Variants in CSMD1 observed in about 807,000 individuals in gnomAD.
CSMD1 encodes the protein CUB and sushi domain-containing protein 1.
Under a neutral mutation model 417.5 loss-of-function variants are expected in CSMD1, and 213 were observed. The observed-to-expected ratio is 0.51, with a 90% confidence interval of 0.46 to 0.57. The LOEUF (loss-of-function observed/expected upper bound fraction) is 0.57. Ranked by LOEUF, CSMD1 falls within the 20% of genes least tolerant of loss-of-function variation. The probability of loss-of-function intolerance (pLI) is 0.00; values close to 1 mark genes in which losing one functional copy is unlikely to be tolerated. For synonymous variants in CSMD1, 2,862 were observed against 1,736.8 expected, an observed-to-expected ratio of 1.65 and a Z score of -16.11; for missense variants, 6,923 against 4,529.7, an observed-to-expected ratio of 1.53 and a Z score of -15.17.
chr8:4,591,912 G>C (rs992796001), intron 2 of CSMD1, among the ~76,000 whole-genome samples: 2 of 152,112 alleles, frequency 1.3e-5, no homozygotes, highest in Admixed American at 6.6e-5. Context: ...GACATTCTGA[G>C]GGACTTCAGG....
intron 1 of CSMD1, among the ~76,000 whole-genome samples, chr8:4,739,752 C>T (rs532265889): frequency 1.3e-5 from 2 of 152,204 alleles, no homozygotes; most frequent in Admixed American, 1.3e-4. Flanking sequence ...CTATCCCTTC[C>T]CACAAAGATT....
intron 2 of CSMD1, among the ~76,000 whole-genome samples, chr8:4,435,816 C>CCTT: frequency 6.6e-6 from 1 of 152,280 alleles, no homozygotes; most frequent in East Asian, 1.9e-4. Context: ...GTCCCGAACA[C>CCTT]CTTCAGGGCA....
Position 4,023,751 on chromosome 8 carries a change from TAA to T in CSMD1, c.610+8152_610+8153del, listed in dbSNP as rs1196788198. 8.1e-5 allele frequency among the ~76,000 whole-genome samples: 9 copies of T among 110,582 alleles called. No homozygotes were observed. The Admixed American group carries it at 1.0e-3, about 13-fold the overall frequency. The allele number at this position is 110,582 out of a possible 152,430, so 72.5% of individuals were successfully genotyped here. On this transcript the variant is annotated intron_variant, in intron 4 of 69. Transcript: ENST00000635120. ...ACAAGCGCCCACCGCTACGCTCGGC[TAA>T]TTTTTTTTTTTTTTTTTTTTTTTTT...
At chr8:4,178,272 C>CA in intron 3 of CSMD1, among the ~76,000 whole-genome samples, 1 of 151,922 alleles carries the variant, frequency 6.6e-6, no homozygotes, top group East Asian at 1.9e-4. Flanking sequence ...AAGGCTGGTT[C>CA]AATATACGCA....
In CSMD1 at chr8:4,447,938, C is replaced by T. The variant is rs182099032; in HGVS notation, c.303-27873G>A. Among the ~76,000 whole-genome samples, 4 of 152,160 alleles carry T rather than the reference C, an allele frequency of 2.6e-5. No homozygotes were observed. In the East Asian group the frequency reaches 7.7e-4, roughly 29 times the overall value. ...GAAATGACGACAATTACCACACTCA[C>T]CATATTTTTTAAAAGACAATGCTAA... On this transcript the variant is annotated intron_variant, in intron 2 of 69. Transcript: ENST00000635120.
chr8:3,123,553 C>G (rs549719175), intron 41 of CSMD1, among the ~76,000 whole-genome samples: 1 of 151,924 alleles, frequency 6.6e-6, no homozygotes, highest in Non-Finnish European at 1.5e-5. Context: ...GTAATAAACT[C>G]TCTTGGAAAA....
intron 8 of CSMD1, among the ~76,000 whole-genome samples, chr8:3,610,940 C>A (rs1355728143): frequency 6.6e-6 from 1 of 151,822 alleles, no homozygotes; most frequent in East Asian, 2.0e-4. Context: ...TCGCACCAGT[C>A]AAGCAACAGC....
At chr8:3,151,854 T>C (rs1819214573) in intron 39 of CSMD1, among the ~76,000 whole-genome samples, 2 of 152,340 alleles carry the variant, frequency 1.3e-5, no homozygotes, top group South Asian at 2.1e-4. Context: ...TGAGAGGTAG[T>C]ATTACTCCCT....
At chr8:4,412,136 A>T (rs1447768170) in intron 3 of CSMD1, among the ~76,000 whole-genome samples, 1 of 152,072 alleles carries the variant, frequency 6.6e-6, no homozygotes, top group Non-Finnish European at 1.5e-5. Context: ...GCAAATGATT[A>T]GCTAAATATC....
chr8:3,159,666 C>G (rs1317035272), intron 38 of CSMD1, among the ~76,000 whole-genome samples: 1 of 152,184 alleles, frequency 6.6e-6, no homozygotes, highest in African/African-American at 2.4e-5. Flanking sequence ...CAAACAGCAG[C>G]TTGCAAACTC....
At chr8:3,707,627 G>T (rs1444346433) in intron 7 of CSMD1, among the ~76,000 whole-genome samples, 2 of 152,200 alleles carry the variant, frequency 1.3e-5, no homozygotes, top group African/African-American at 2.4e-5. Flanking sequence ...TATGACATGT[G>T]TAAGGTCGTG....
chr8:3,341,518 T>C (rs2117602786), intron 23 of CSMD1, among the ~76,000 whole-genome samples: 1 of 152,260 alleles, frequency 6.6e-6, no homozygotes, highest in Non-Finnish European at 1.5e-5. Flanking sequence ...ACACACGAGC[T>C]GAGCACAATG....
At chr8:4,429,387 A>G (rs1797743158) in intron 2 of CSMD1, among the ~76,000 whole-genome samples, 1 of 152,282 alleles carries the variant, frequency 6.6e-6, no homozygotes, top group Non-Finnish European at 1.5e-5. Flanking sequence ...ATCTACATAT[A>G]CAAACTATAT....
At chr8:4,326,054 T>C (rs1209399127) in intron 3 of CSMD1, among the ~76,000 whole-genome samples, 1 of 152,112 alleles carries the variant, frequency 6.6e-6, no homozygotes, top group East Asian at 1.9e-4. Context: ...TAACACGGGA[T>C]TCTCCAACAC....
intron 11 of CSMD1, among the ~76,000 whole-genome samples, chr8:3,481,699 G>A (rs1038062885): frequency 1.3e-5 from 2 of 152,182 alleles, no homozygotes; most frequent in African/African-American, 4.8e-5. Flanking sequence ...TTCAGGCAGA[G>A]AAGATGGTCT....
At chr8:4,944,256 G>C (rs1285683143) in intron 1 of CSMD1, among the ~76,000 whole-genome samples, 1 of 152,182 alleles carries the variant, frequency 6.6e-6, no homozygotes, top group Non-Finnish European at 1.5e-5. Flanking sequence ...GACCTCAACA[G>C]AGCTCTGAGG....
chr8:4,554,167 C>T (rs191247242), intron 2 of CSMD1, among the ~76,000 whole-genome samples: 4 of 152,236 alleles, frequency 2.6e-5, no homozygotes, highest in Admixed American at 2.6e-4. Flanking sequence ...GGCAGAGTCT[C>T]GATCTGTCGC....
chr8:4,822,109 A>C (rs933879064), intron 1 of CSMD1, among the ~76,000 whole-genome samples: 11 of 151,942 alleles, frequency 7.2e-5, no homozygotes, highest in Admixed American at 3.3e-4. Flanking sequence ...GAACATTCAC[A>C]TGCTTCCTAT....
At chr8:3,498,859 A>G (rs1045390025) in intron 10 of CSMD1, among the ~76,000 whole-genome samples, 2 of 151,984 alleles carry the variant, frequency 1.3e-5, no homozygotes, top group African/African-American at 4.8e-5. Flanking sequence ...TTTTTGTGTA[A>G]TATCTCTGTT....
Sources: allele counts gnomAD v4.1 joint callset (sites outside exome capture counted in the v4.1 genomes callset), GRCh38; gene constraint gnomAD v4.1.1; transcripts MANE v1.5; gene names NCBI Gene and HGNC (gene_info 2026-07-23, HGNC 2026-07-21).